Variants in HEG1 observed in about 807,000 individuals in gnomAD.
HEG1 encodes heart development protein with EGF like domains 1, also known as protein HEG homolog 1.
HEG1 carries 56 observed loss-of-function variants against 125.6 expected under a neutral mutation model. The observed-to-expected ratio is 0.45, with a 90% CI of 0.36 to 0.56. The LOEUF (loss-of-function observed/expected upper bound fraction) is 0.56. HEG1 is among the 20% of genes least tolerant of loss of function. The pLI, the probability that HEG1 is intolerant of heterozygous loss-of-function variation, is 0.00. For synonymous variants in HEG1, 644 were observed against 668.5 expected (o/e 0.96, Z 0.57); for missense variants, 1,523 against 1,670.0 (o/e 0.91, Z 1.53).
In HEG1 at chr3:125,011,425, C is replaced by T. The variant is rs542670312; in HGVS notation, c.2957-870G>A. On this transcript the variant is annotated intron_variant, in intron 6 of 16. Coordinates refer to ENST00000311127, the MANE Select transcript of HEG1 (RefSeq NM_020733.2). ...TATAGTAACAGCCAGTGAATCTGCC[C>T]CTAATACTTGCCTACAGTTATCATC... is the stretch of plus-strand genomic sequence containing the variant. 2.6e-5 allele frequency among the ~76,000 whole-genome samples: 4 copies of T among 152,336 alleles called. No individual in the cohort carries two copies. The South Asian group carries it at 8.3e-4, about 32-fold the overall frequency.
intron 3 of HEG1, among the ~76,000 whole-genome samples, chr3:125,022,176 ATGGT>A: frequency 6.6e-6 from 1 of 152,248 alleles, no homozygotes; most frequent in East Asian, 1.9e-4. Flanking sequence ...GGAAAGAAAC[ATGGT>A]GGGTAAGACT....
intron 14 of HEG1, among the ~76,000 whole-genome samples, chr3:124,979,645 G>A (rs1405464461): frequency 1.3e-5 from 2 of 152,112 alleles, no homozygotes; most frequent in East Asian, 3.8e-4. Flanking sequence ...CCAGTAGCCG[G>A]ATTCTCGATA....
intron 16 of HEG1, among the ~76,000 whole-genome samples, chr3:124,971,787 G>GA (rs1936428946): frequency 9.2e-6 from 1 of 108,654 alleles, no homozygotes; most frequent in South Asian, 2.9e-4. Flanking sequence ...ACTGCGCCCG[G>GA]CCTTTTTTTT....
At chr3:125,014,351 C>A (rs1338596394) in intron 5 of HEG1, among the ~76,000 whole-genome samples, 1 of 152,098 alleles carries the variant, frequency 6.6e-6, no homozygotes, top group Non-Finnish European at 1.5e-5. Context: ...CTTAAGACCC[C>A]AAATAGAATA....
intron 8 of HEG1, among the ~76,000 whole-genome samples, chr3:125,006,468 T>C (rs985674658): frequency 6.6e-6 from 1 of 152,166 alleles, no homozygotes; most frequent in African/African-American, 2.4e-5. Context: ...CAGAAGTCCA[T>C]GAAGCTGCTC....
In HEG1 at chr3:125,029,359, T is replaced by C. The variant is rs753604098; in HGVS notation, c.446A>G (p.Lys149Arg). 19 of 1,613,912 alleles carry C rather than the reference T, an allele frequency of 1.2e-5. No homozygotes were observed. The highest frequency in any genetic ancestry group is 1.6e-5 in the Non-Finnish European group (19 of 1,179,900). Residue 149 changes from lysine (K) to arginine (R), a missense_variant, in exon 2 of 17, where the codon AAG (lysine) becomes AGG (arginine). Lys to Arg is a conservative substitution (Grantham distance 26, BLOSUM62 2). Transcript: ENST00000311127. ...TGGAGCATCCGAAGCAGCATGGCTC[T>C]TCCCAGAGGTCTGAACCATCACGCC... ...KEGVMVQTSG[K>R]SHAASDAPEN...
At chr3:125,040,818 C>A (rs1222399794) in intron 1 of HEG1, among the ~76,000 whole-genome samples, 2 of 151,886 alleles carry the variant, frequency 1.3e-5, no homozygotes. Flanking sequence ...CAGGTCCTTT[C>A]CAGGAGAATG....
chr3:124,989,353 C>T (rs567539306), intron 14 of HEG1, among the ~76,000 whole-genome samples: 1 of 152,270 alleles, frequency 6.6e-6, no homozygotes, highest in Admixed American at 6.5e-5. Flanking sequence ...GGCTTTTTTA[C>T]ACACATTAAA....
At position 124,968,113 on chromosome 3, in the gene HEG1, C is replaced by A. The variant is rs1286355797; in HGVS notation, c.*2539G>T. ...GGCATCTGTGCACGTGAATCACACA[C>A]CCCAGGTGCAGGGGCTGACATGGAG... On this transcript the variant is annotated 3_prime_UTR_variant, in exon 17 of 17. Transcript: ENST00000311127. 1 of 152,454 alleles carries A rather than the reference C, an allele frequency of 6.6e-6. No individual in the cohort carries two copies. Among genetic ancestry groups the A allele is most frequent in the Non-Finnish European group, 1.5e-5 (1 of 68,222 alleles). The allele number at this position is 152,454 out of a possible 1,614,324, so 9.4% of individuals were successfully genotyped here.
intron 16 of HEG1, 174 bp from the exon 17 acceptor site, chr3:124,970,975 A>C: frequency 1.5e-6 from 1 of 649,022 alleles, no homozygotes; most frequent in South Asian, 1.8e-5. Flanking sequence ...TCTGGAGCAC[A>C]ACCCACTTTA....
chr3:125,046,414 CACACACACACACACACACACAT>C (rs1003633056), intron 1 of HEG1, among the ~76,000 whole-genome samples: 2 of 143,244 alleles, frequency 1.4e-5, no homozygotes, highest in African/African-American at 5.6e-5. Flanking sequence ...CACACACACA[CACACACACACACACACACACAT>C]ATATATTTTT....
intron 1 of HEG1, among the ~76,000 whole-genome samples, chr3:125,031,614 T>G (rs1012817900): frequency 6.6e-6 from 1 of 151,820 alleles, no homozygotes; most frequent in Non-Finnish European, 1.5e-5. Context: ...ATCGGACAAG[T>G]AGAGGCTGCA....
At position 124,988,351 on chromosome 3, in the gene HEG1, T is replaced by A. The variant is rs367543450; in HGVS notation, c.3733+2436A>T. Among the ~76,000 whole-genome samples, 117 of 152,268 alleles carry A rather than the reference T, an allele frequency of 7.7e-4. No homozygotes were observed. In the South Asian group the frequency reaches 0.024, roughly 32 times the overall value. ...TCCAGACTGTTTTACATAAGCCAAATCTCCAAAATACTCAAGCCTACCCTG... is the reference window on the plus strand; with the variant it reads ...TCCAGACTGTTTTACATAAGCCAAAACTCCAAAATACTCAAGCCTACCCTG... On this transcript the variant is annotated intron_variant, in intron 14 of 16. Coordinates refer to ENST00000311127, the MANE Select transcript of HEG1 (RefSeq NM_020733.2).
chr3:125,039,569 T>A (rs1313492168), intron 1 of HEG1, among the ~76,000 whole-genome samples: 5 of 152,102 alleles, frequency 3.3e-5, no homozygotes, highest in Non-Finnish European at 2.9e-5. Context: ...TTCTTTTCCC[T>A]CCATTTGGAT....
intron 1 of HEG1, among the ~76,000 whole-genome samples, chr3:125,050,976 G>A (rs1197406532): frequency 2.0e-5 from 3 of 152,228 alleles, no homozygotes; most frequent in African/African-American, 2.4e-5. Flanking sequence ...ATTTAACCTC[G>A]CCTCCTACTG....
chr3:124,977,965 A>G lies in HEG1; in HGVS notation c.3734-19T>C. On this transcript the variant is annotated intron_variant, in intron 14 of 16. Coordinates refer to ENST00000311127, the MANE Select transcript of HEG1 (RefSeq NM_020733.2). ...TGATAGGCTAAACGTAAAACAAACA[A>G]AAAAGCATATTGGCTGGAGGTAATG... 1.4e-6 allele frequency: 2 copies of G among 1,475,198 alleles called. No individual in the cohort carries two copies. Among genetic ancestry groups the G allele is most frequent in the Non-Finnish European group, 9.0e-7 (1 of 1,108,788 alleles). 91.4% of individuals were successfully genotyped at this position (1,475,198 alleles called of 1,614,324 possible). A position where few individuals can be genotyped will look rare whatever the true frequency, so the allele number is the denominator to read the frequency against.
intron 14 of HEG1, among the ~76,000 whole-genome samples, chr3:124,980,664 G>A (rs1040826430): frequency 6.6e-6 from 1 of 151,896 alleles, no homozygotes; most frequent in Non-Finnish European, 1.5e-5. Context: ...TTACAGGCAC[G>A]CGCCACCATG....
chr3:125,039,935 T>G lies in HEG1; in HGVS notation c.317-10447A>C, dbSNP rs139849109. The stretch of plus-strand genomic sequence containing the variant: ...TGACCTTGTTTCTCTCTAAGAGGAA[T>G]GAAATGGTGCCTATCACACGGGCTT... On this transcript the variant is annotated intron_variant, in intron 1 of 16. Coordinates refer to ENST00000311127, the MANE Select transcript of HEG1 (RefSeq NM_020733.2). Among the ~76,000 whole-genome samples the G allele has an allele frequency of 2.0e-4, 31 of 151,812 alleles. No homozygotes were observed. The East Asian group carries it at 5.6e-3, about 27-fold the overall frequency.
chr3:124,976,894 A>C (rs186025103), intron 15 of HEG1, among the ~76,000 whole-genome samples: 28 of 152,260 alleles, frequency 1.8e-4, no homozygotes, highest in African/African-American at 6.5e-4. Context: ...CCCAATCTCA[A>C]AATTTGCAGC....
Sources: gnomAD v4.1 joint callset for allele counts (sites outside exome capture counted in the v4.1 genomes callset) on GRCh38, gnomAD v4.1.1 for gene constraint, MANE v1.5 for transcripts, NCBI Gene and HGNC (gene_info 2026-07-23, HGNC 2026-07-21) for gene names.